IL1R1: variants seen among roughly 807,000 people sequenced by gnomAD.
IL1R1 encodes interleukin 1 receptor type 1.
A neutral mutation model predicts 50.2 loss-of-function variants in IL1R1; 22 were observed. That is an observed-to-expected ratio of 0.44 (90% confidence interval 0.31 to 0.63). The LOEUF (loss-of-function observed/expected upper bound fraction) is 0.63, where lower values mean the gene tolerates loss of function less well. Ranked by LOEUF, IL1R1 falls within the 20% of genes least tolerant of loss-of-function variation. The probability of loss-of-function intolerance (pLI) is 0.07; values close to 1 mark genes in which losing one functional copy is unlikely to be tolerated. For missense variants in IL1R1, 509 were observed against 676.2 expected, an observed-to-expected ratio of 0.75 and a Z score of 2.74; for synonymous variants, 251 against 236.7, an observed-to-expected ratio of 1.06 and a Z score of -0.55.
rs556517340 is a variant in IL1R1, at chr2:102,121,717, T to C, written c.-84+16845T>C. Among the ~76,000 whole-genome samples the C allele has an allele frequency of 4.6e-5, 7 of 152,332 alleles. 1 individual carries two copies. In the South Asian group the frequency reaches 1.4e-3, roughly 32 times the overall value. ...CTCTCTCTCAACAAAGCCTAGCACA[T>C]TTTTTAAAACCACATTTTAACATTT... On this transcript the variant is annotated intron_variant, in intron 1 of 10. Coordinates refer to the IL1R1 transcript ENST00000409329.
intron 3 of IL1R1, among the ~76,000 whole-genome samples, chr2:102,160,185 A>G (rs554823991): frequency 7.9e-5 from 12 of 152,264 alleles, no homozygotes; most frequent in Non-Finnish European, 1.2e-4. Context: ...CATTTACGTT[A>G]TTAAATTTAT....
intron 1 of IL1R1, among the ~76,000 whole-genome samples, chr2:102,072,457 C>A (rs753363694): frequency 4.6e-5 from 7 of 152,156 alleles, no homozygotes; most frequent in African/African-American, 7.2e-5. Context: ...GTTTCTTATA[C>A]CTCACTTACT....
At chr2:102,123,556 A>T (rs1405167674) in intron 1 of IL1R1, among the ~76,000 whole-genome samples, 1 of 152,146 alleles carries the variant, frequency 6.6e-6, no homozygotes, top group African/African-American at 2.4e-5. Context: ...CAGACAGATC[A>T]CCTGAGGTCA....
At chr2:102,148,476 A>G (rs1051815182) in intron 1 of IL1R1, among the ~76,000 whole-genome samples, 2 of 152,230 alleles carry the variant, frequency 1.3e-5, no homozygotes, top group Non-Finnish European at 2.9e-5. Context: ...CAAAGGCTCA[A>G]CCTAGCACTC....
At chr2:102,164,604 A>C (rs758829921) in intron 3 of IL1R1, among the ~76,000 whole-genome samples, 170 bp from the exon 4 acceptor site, 5 of 152,150 alleles carry the variant, frequency 3.3e-5, no homozygotes, top group Non-Finnish European at 7.3e-5. Flanking sequence ...GCTGGACTTG[A>C]ATATGCTTCT....
intron 1 of IL1R1, among the ~76,000 whole-genome samples, chr2:102,129,043 TA>T (rs1409237077): frequency 1.3e-5 from 2 of 151,788 alleles, no homozygotes; most frequent in Non-Finnish European, 2.9e-5. Context: ...CTCTAAAGAA[TA>T]AAAAAGTAAA....
At chr2:102,125,553 G>T (rs1443572008) in intron 1 of IL1R1, among the ~76,000 whole-genome samples, 5 of 152,182 alleles carry the variant, frequency 3.3e-5, no homozygotes, top group African/African-American at 1.2e-4. Flanking sequence ...CAAGATACAA[G>T]GAAGAAGTGG....
chr2:102,153,373 G>T (rs1683873993), intron 1 of IL1R1, among the ~76,000 whole-genome samples: 2 of 152,144 alleles, frequency 1.3e-5, no homozygotes, highest in African/African-American at 4.8e-5. Context: ...CAAGCTCTTT[G>T]TATTCTTCCC....
chr2:102,163,209 A>T (rs1446357551), intron 3 of IL1R1, among the ~76,000 whole-genome samples: 2 of 152,072 alleles, frequency 1.3e-5, no homozygotes, highest in African/African-American at 4.8e-5. Flanking sequence ...TTTTATTATT[A>T]TGTGTTTGTA....
At chr2:102,161,452 G>A (rs1684718531) in intron 3 of IL1R1, among the ~76,000 whole-genome samples, 1 of 152,090 alleles carries the variant, frequency 6.6e-6, no homozygotes, top group African/African-American at 2.4e-5. Context: ...ATGTCAAATT[G>A]GTTGATAGTG....
chr2:102,121,545 C>T (rs1443387742), intron 1 of IL1R1, among the ~76,000 whole-genome samples: 1 of 152,160 alleles, frequency 6.6e-6, no homozygotes, highest in Non-Finnish European at 1.5e-5. Flanking sequence ...CCCTCTAGCT[C>T]TACAGGAAGG....
chr2:102,097,299 C>T (rs1378812678), intron 1 of IL1R1, among the ~76,000 whole-genome samples: 1 of 152,086 alleles, frequency 6.6e-6, no homozygotes, highest in Non-Finnish European at 1.5e-5. Context: ...GGCTTGGTCC[C>T]AACCATAAAC....
At position 102,080,231 on chromosome 2, in the gene IL1R1, T is replaced by C. The variant is rs1679147131; in HGVS notation, c.-84+9698T>C. Among the ~76,000 whole-genome samples, 4 of 152,278 alleles carry C rather than the reference T, an allele frequency of 2.6e-5. No individual in the cohort carries two copies. The South Asian group carries it at 8.3e-4, about 32-fold the overall frequency. On this transcript the variant is annotated intron_variant, in intron 1 of 11. Coordinates refer to the IL1R1 transcript ENST00000409929. Reference sequence around the variant, plus strand: ...GCACAAGCAACAACAAAATAGATAATTGCACTTCACCAAAATTAAATCCTT... The same window carrying C: ...GCACAAGCAACAACAAAATAGATAACTGCACTTCACCAAAATTAAATCCTT...
chr2:102,164,637 T>C, intron 3 of IL1R1, 137 bp from the exon 4 acceptor site: 1 of 636,046 alleles, frequency 1.6e-6, no homozygotes, highest in Non-Finnish European at 2.7e-6. Flanking sequence ...ATAATGATCT[T>C]ATCACAAGGC....
Position 102,157,699 on chromosome 2 carries a change from T to G in IL1R1, c.-6-20T>G. On this transcript the variant is annotated intron_variant, in intron 2 of 11. Transcript: ENST00000410023. ...TAACATTTTTGCTTTTGTCTTTCTT[T>G]CGTTCCTCCATTTCTCCAGAAGAAT... 1 of 1,543,160 alleles carries G rather than the reference T, an allele frequency of 6.5e-7. No individual in the cohort carries two copies. The highest frequency in any genetic ancestry group is 9.0e-7 in the Non-Finnish European group (1 of 1,116,670).
At chr2:102,130,158 G>C (rs1306146702) in intron 1 of IL1R1, among the ~76,000 whole-genome samples, 1 of 152,136 alleles carries the variant, frequency 6.6e-6, no homozygotes, top group African/African-American at 2.4e-5. Flanking sequence ...GCGGTCTCTG[G>C]AAAAGTCCAC....
chr2:102,170,505 G>A lies in IL1R1; in HGVS notation c.722-1296G>A, dbSNP rs140593470. On this transcript the variant is annotated intron_variant, in intron 7 of 11. Coordinates refer to ENST00000410023, the MANE Select transcript of IL1R1 (RefSeq NM_000877.4). Reference sequence around the variant, plus strand: ...TCATACCAATCCCAAGAAAATTCCCGGGAAAAACTAGAATTAATTCTGTAT... The same window carrying A: ...TCATACCAATCCCAAGAAAATTCCCAGGAAAAACTAGAATTAATTCTGTAT... Among the ~76,000 whole-genome samples, 20 of 152,076 alleles carry A rather than the reference G, an allele frequency of 1.3e-4. No homozygotes were observed. In the East Asian group the frequency reaches 3.5e-3, roughly 26 times the overall value.
At chr2:102,102,696 ACATGATGTTCATT>A (rs988407679), upstream of IL1R1, among the ~76,000 whole-genome samples, 13 of 4,108 alleles carry the variant, frequency 3.2e-3, no homozygotes, top group African/African-American at 0.038. Flanking sequence ...CTACCATAAG[ACATGATGTTCATT>A]ACATCGCTAT....
chr2:102,167,737 C>T (rs1187133064), intron 6 of IL1R1, among the ~76,000 whole-genome samples: 5 of 152,008 alleles, frequency 3.3e-5, no homozygotes, highest in South Asian at 2.1e-4. Context: ...TGTGAGCCAC[C>T]GCGCCCGGCC....
Sources: gnomAD v4.1 joint callset for allele counts (sites outside exome capture counted in the v4.1 genomes callset) on GRCh38, gnomAD v4.1.1 for gene constraint, MANE v1.5 for transcripts, NCBI Gene and HGNC (gene_info 2026-07-23, HGNC 2026-07-21) for gene names.